Variants in ZNF717 observed in about 807,000 individuals in gnomAD.
ZNF717 encodes zinc finger protein 717.
In ZNF717, 9 loss-of-function variants were observed where a neutral mutation model predicts 13.8. That is an observed-to-expected ratio of 0.65 (90% CI 0.39 to 1.14). The LOEUF (loss-of-function observed/expected upper bound fraction) is 1.14. ZNF717 is among the 50% of genes most tolerant of loss of function. The pLI is 0.01. For synonymous variants in ZNF717, 327 were observed against 364.1 expected, an observed-to-expected ratio of 0.90 and a Z score of 1.16; for missense variants, 1,040 against 1,080.7, an observed-to-expected ratio of 0.96 and a Z score of 0.53.
chr3:75,759,404 T>C (rs369695990), intron 2 of ZNF717, among the ~76,000 whole-genome samples: 4 of 150,712 alleles, frequency 2.7e-5, no homozygotes, highest in East Asian at 2.0e-4. Flanking sequence ...ACCTCCGGAG[T>C]AGCTGGAAGT....
chr3:75,705,761 T>C (rs1937792150), downstream of ZNF717, among the ~76,000 whole-genome samples: 1 of 152,312 alleles, frequency 6.6e-6, no homozygotes, highest in South Asian at 2.1e-4. Context: ...GGACACTGTA[T>C]AGGTATATGT....
At chr3:75,747,406 G>A (rs1450412188) in intron 2 of ZNF717, among the ~76,000 whole-genome samples, 1 of 152,100 alleles carries the variant, frequency 6.6e-6, no homozygotes, top group Non-Finnish European at 1.5e-5. Flanking sequence ...GAAAATCATT[G>A]GTAGCTTGAT....
At chr3:75,772,021 T>C (rs1439601674) in intron 2 of ZNF717, among the ~76,000 whole-genome samples, 1 of 152,240 alleles carries the variant, frequency 6.6e-6, no homozygotes, top group African/African-American at 2.4e-5. Context: ...CTCCAGACTT[T>C]GGGCACTGAC....
chr3:75,768,662 C>T (rs533968061), intron 2 of ZNF717, among the ~76,000 whole-genome samples: 11 of 123,462 alleles, frequency 8.9e-5, no homozygotes, highest in East Asian at 4.9e-4. Context: ...CTGAGTGTGT[C>T]GGGGGGCAGA....
At chr3:75,772,887 T>C (rs1318611444) in intron 2 of ZNF717, among the ~76,000 whole-genome samples, 8 of 152,220 alleles carry the variant, frequency 5.3e-5, no homozygotes. Context: ...CTGGGGATTG[T>C]GGTAAATTCT....
chr3:75,771,516 G>A (rs371550771), intron 2 of ZNF717, among the ~76,000 whole-genome samples: 3 of 126,800 alleles, frequency 2.4e-5, no homozygotes, highest in East Asian at 2.3e-4. Flanking sequence ...CCTCCGGAGC[G>A]ATAGTGTGGT....
chr3:75,733,588 C>G (rs1938787284), downstream of ZNF717, among the ~76,000 whole-genome samples: 1 of 142,624 alleles, frequency 7.0e-6, no homozygotes, highest in African/African-American at 2.6e-5. Flanking sequence ...ACCACTCTGG[C>G]TAACACGGTG....
intron 5 of ZNF717, among the ~76,000 whole-genome samples, chr3:75,714,486 C>T (rs928230019): frequency 1.1e-4 from 16 of 151,866 alleles, no homozygotes; most frequent in Non-Finnish European, 2.1e-4. Context: ...GTAATTGCTA[C>T]AAACTAATGA....
chr3:75,744,055 A>G (rs1575796696), intron 2 of ZNF717, among the ~76,000 whole-genome samples: 1 of 152,278 alleles, frequency 6.6e-6, no homozygotes, highest in South Asian at 2.1e-4. Context: ...AGAATAAAAG[A>G]AACAAGTACA....
Position 75,736,787 on chromosome 3 carries a change from A to T in ZNF717, c.*91T>A, listed in dbSNP as rs1939297461. On this transcript the variant is annotated 3_prime_UTR_variant, in exon 5 of 5. Transcript: ENST00000652011. ...GTTAAGACCTTCTTGTTGGTAGGCC[A>T]GGAGGTAATGGTCACCATTTGTGTC... 5.9e-6 allele frequency: 8 copies of T among 1,352,404 alleles called. No individual in the cohort carries two copies. The highest frequency in any genetic ancestry group is 2.5e-5 in the East Asian group (1 of 39,516). 83.8% of individuals were successfully genotyped at this position (1,352,404 alleles called of 1,614,324 possible). A position where few individuals can be genotyped will look rare whatever the true frequency, so the allele number is the denominator to read the frequency against.
intron 4 of ZNF717, among the ~76,000 whole-genome samples, chr3:75,721,383 G>T (rs1336477739): frequency 6.6e-6 from 1 of 152,204 alleles, no homozygotes; most frequent in Non-Finnish European, 1.5e-5. Flanking sequence ...CCACATTCAA[G>T]TGCTTCTCCT....
chr3:75,767,388 T>C (rs1301040384), intron 2 of ZNF717, among the ~76,000 whole-genome samples: 1 of 152,272 alleles, frequency 6.6e-6, no homozygotes, highest in East Asian at 1.9e-4. Context: ...TAATGAGTTG[T>C]TTTAAGCTGC....
At chr3:75,730,247 A>G (rs1312849345) in exon 6 of ZNF717, 3 of 173,092 alleles carry the variant, frequency 1.7e-5, no homozygotes, top group African/African-American at 4.7e-5. Flanking sequence ...CCTGAGAAAG[A>G]GAATGGGAAA....
At chr3:75,704,326 C>G (rs1185234743) in intron 6 of ZNF717, among the ~76,000 whole-genome samples, 3 of 152,304 alleles carry the variant, frequency 2.0e-5, no homozygotes, top group Admixed American at 6.5e-5. Context: ...TCAGGACCCT[C>G]TTTTCCAGCA....
intron 2 of ZNF717, among the ~76,000 whole-genome samples, chr3:75,780,615 T>C (rs887616352): frequency 2.0e-5 from 3 of 152,238 alleles, no homozygotes; most frequent in Admixed American, 2.0e-4. Flanking sequence ...TTAGCCAGGA[T>C]GGTCTCAATC....
At chr3:75,761,510 A>G (rs111820953) in intron 2 of ZNF717, among the ~76,000 whole-genome samples, 3,691 of 152,140 alleles carry the variant, frequency 0.024, 64 homozygotes, top group African/African-American at 0.083. Context: ...TCACCACAGT[A>G]CTGGAATTTC....
chr3:75,696,924 C>T (rs1575756717), intron 6 of ZNF717, among the ~76,000 whole-genome samples: 1 of 149,060 alleles, frequency 6.7e-6, no homozygotes, highest in Non-Finnish European at 1.5e-5. Flanking sequence ...AAAACAAGGA[C>T]AAAATCCATA....
chr3:75,737,418 A>C lies in ZNF717; in HGVS notation c.2205T>G (p.Asn735Lys). 6.4e-7 allele frequency: 1 copy of C among 1,554,332 alleles called. No homozygotes were observed. The highest frequency in any genetic ancestry group is 8.7e-7 in the Non-Finnish European group (1 of 1,148,596). Residue 735 changes from asparagine to lysine, a missense_variant, in exon 5 of 5, where the codon AAT (asparagine) becomes AAG (lysine). By Grantham distance (94) the Asn-to-Lys change is moderately conservative (BLOSUM62 0). Transcript: ENST00000652011. The stretch of plus-strand genomic sequence containing the variant: ...CTGACTTCTGACAAGGTTTTTCCAC[A>C]TTTGCTACATTCATAGGGTTTCTCC... Reference protein sequence around the residue: ...TRGRNPMNVANVEKPCQKSVL... With the variant: ...TRGRNPMNVAKVEKPCQKSVL...
In ZNF717 at chr3:75,736,997, C is replaced by T. The variant is rs1270117354; in HGVS notation, c.2626G>A (p.Gly876Arg). ...GEKPYECKEC[G>R]KTFCQKSHLS... ...TGTGACTTCTGGCAAAAGGTTTTCC[C>T]ACATTCCTTACATTCATAAGGTTTT... Residue 876 changes from glycine to arginine, a missense_variant, in exon 5 of 5, where the codon GGG becomes AGG. Gly to Arg is a moderately radical substitution (Grantham distance 125, BLOSUM62 -2). This residue lies in a region of ZNF717 where 44 missense variants were observed against 70.1 expected (regional missense o/e 0.63). Coordinates refer to ENST00000652011, the MANE Select transcript of ZNF717 (RefSeq NM_001290208.3). 1.3e-6 allele frequency: 2 copies of T among 1,589,758 alleles called. No homozygotes were observed. The highest frequency in any genetic ancestry group is 2.7e-5 in the African/African-American group (2 of 74,086).
Sources: gnomAD v4.1 joint callset for allele counts (sites outside exome capture counted in the v4.1 genomes callset) on GRCh38, gnomAD v4.1.1 for gene constraint, gnomAD v4.1.1 regional missense constraint, MANE v1.5 for transcripts, NCBI Gene and HGNC (gene_info 2026-07-23, HGNC 2026-07-21) for gene names.